Variants in ST6GAL1 observed in about 807,000 individuals in gnomAD.
ST6GAL1 encodes beta-galactoside alpha-2,6-sialyltransferase 1.
ST6GAL1 carries 20 observed loss-of-function variants against 38.0 expected under a neutral mutation model. The ratio of observed to expected loss-of-function variants is 0.53; its 90% CI spans 0.37 to 0.77. ST6GAL1 has a LOEUF of 0.77. ST6GAL1 is among the 30% of genes least tolerant of loss of function. ST6GAL1 has a pLI of 0.00. For synonymous variants in ST6GAL1, 196 were observed against 188.2 expected (o/e 1.04, Z -0.34); for missense variants, 432 against 496.4 (o/e 0.87, Z 1.23).
chr3:186,957,502 A>G (rs1714786445), intron 1 of ST6GAL1, among the ~76,000 whole-genome samples: 1 of 152,184 alleles, frequency 6.6e-6, no homozygotes, highest in Non-Finnish European at 1.5e-5. Flanking sequence ...GCCCAACATC[A>G]GAATAGTAAG....
intron 2 of ST6GAL1, among the ~76,000 whole-genome samples, chr3:187,020,961 G>GTTTTT (rs139348671): frequency 6.8e-6 from 1 of 146,752 alleles, no homozygotes; most frequent in Non-Finnish European, 1.5e-5. Context: ...TGTATTGGTG[G>GTTTTT]TTTTTTTTTT....
intron 1 of ST6GAL1, among the ~76,000 whole-genome samples, chr3:186,944,232 G>A (rs567603072): frequency 1.4e-4 from 22 of 152,302 alleles, no homozygotes; most frequent in Middle Eastern, 3.4e-3. Context: ...TAGTGCCTGC[G>A]AATCCTTTAG....
At chr3:187,042,613 T>C in intron 3 of ST6GAL1, 41 bp from the exon 4 acceptor site, 1 of 1,516,184 alleles carries the variant, frequency 6.6e-7, no homozygotes, top group South Asian at 1.4e-5. Context: ...CATTGGGTTT[T>C]TCTTTACATC....
Position 187,029,683 on chromosome 3 carries a change from A to G in ST6GAL1, c.-182-9059A>G, listed in dbSNP as rs142013126. On this transcript the variant is annotated intron_variant, in intron 2 of 7. Transcript: ENST00000169298. ...GTGAAATCAGTAAGCATTGTTGTAC[A>G]ATTTTCTCTAGCCATGCTCAGTTGC... 6.5e-3 allele frequency among the ~76,000 whole-genome samples: 986 copies of G among 152,290 alleles called. 11 individuals carry two copies. Among genetic ancestry groups the G allele is most frequent in the African/African-American group, 0.023 (941 of 41,548 alleles).
chr3:186,974,724 G>T (rs1360417726), intron 2 of ST6GAL1, among the ~76,000 whole-genome samples: 2 of 92,866 alleles, frequency 2.2e-5, no homozygotes, highest in African/African-American at 8.2e-5. Flanking sequence ...TGAGAGCCTG[G>T]TTGGGGGGGG....
chr3:187,026,923 C>T (rs1286970476), intron 2 of ST6GAL1, among the ~76,000 whole-genome samples: 1 of 151,966 alleles, frequency 6.6e-6, no homozygotes, highest in Non-Finnish European at 1.5e-5. Context: ...GTGGCGGGCA[C>T]CTGTAGTCCC....
rs1442779608 is a variant in ST6GAL1 at position 187,077,238 on chromosome 3, G to A, written c.*1435G>A. 1 of 353,700 alleles carries A rather than the reference G, an allele frequency of 2.8e-6. No individual in the cohort carries two copies. The highest frequency in any genetic ancestry group is 4.2e-5 in the East Asian group (1 of 23,722). The allele number at this position is 353,700 out of a possible 1,614,324, so 21.9% of individuals were successfully genotyped here. Reference sequence around the variant, plus strand: ...TCTGGGCAGAGGCTGGCCCACTGTAGTTTGCAGACATGCTCTCCAGATGGT... The same window carrying A: ...TCTGGGCAGAGGCTGGCCCACTGTAATTTGCAGACATGCTCTCCAGATGGT... On this transcript the variant is annotated 3_prime_UTR_variant, in exon 8 of 8. Transcript: ENST00000169298.
chr3:187,072,831 A>C lies in ST6GAL1; in HGVS notation c.706-18A>C, dbSNP rs375001991. The C allele has an allele frequency of 3.1e-6, 5 of 1,605,276 alleles. No homozygotes were observed. Among genetic ancestry groups the C allele is most frequent in the Non-Finnish European group, 4.3e-6 (5 of 1,172,210 alleles). On this transcript the variant is annotated intron_variant, in intron 5 of 7. Coordinates refer to ENST00000169298, the MANE Select transcript of ST6GAL1 (RefSeq NM_173216.2). ...CATATGAATGTTCAAGCGACAGCTT[A>C]TCTCTTTCTTCCTGCAGTTGGTTAC...
rs557042539 is a variant in ST6GAL1 at position 187,038,108 on chromosome 3, C to T, written c.-182-634C>T. Among the ~76,000 whole-genome samples, 47 of 152,042 alleles carry T rather than the reference C, an allele frequency of 3.1e-4. 1 individual carries two copies. The highest frequency in any genetic ancestry group is 6.0e-4 in the Non-Finnish European group (41 of 67,976). On this transcript the variant is annotated intron_variant, in intron 2 of 7. Coordinates refer to ENST00000169298, the MANE Select transcript of ST6GAL1 (RefSeq NM_173216.2). ...AATTACTCCCTGTTTACCTCCAAGCCAGCAATTAAACAACCTGTTCTTCCC... is the reference window on the plus strand; with the variant it reads ...AATTACTCCCTGTTTACCTCCAAGCTAGCAATTAAACAACCTGTTCTTCCC...
intron 2 of ST6GAL1, among the ~76,000 whole-genome samples, chr3:187,022,335 G>A (rs1454877162): frequency 6.6e-6 from 1 of 152,106 alleles, no homozygotes; most frequent in Non-Finnish European, 1.5e-5. Context: ...TGGCTACAGA[G>A]AGTTTTCCCT....
Position 187,030,854 on chromosome 3 carries a change from C to G in ST6GAL1, c.-182-7888C>G, listed in dbSNP as rs373261695. Among the ~76,000 whole-genome samples the G allele has an allele frequency of 7.2e-5, 11 of 152,274 alleles. No individual in the cohort carries two copies. The East Asian group carries it at 9.7e-4, about 13-fold the overall frequency. On this transcript the variant is annotated intron_variant, in intron 2 of 7. Coordinates refer to ENST00000169298, the MANE Select transcript of ST6GAL1 (RefSeq NM_173216.2). ...GGGCGGTAGTAAATTCCCTGTCATT[C>G]AGTGTATCCAACAGGCAAAATGAAC... is the stretch of plus-strand genomic sequence containing the variant.
chr3:187,044,615 A>G (rs1181546163), intron 4 of ST6GAL1, among the ~76,000 whole-genome samples: 2 of 152,292 alleles, frequency 1.3e-5, no homozygotes, highest in South Asian at 2.1e-4. Flanking sequence ...TTTCTTCTCC[A>G]TTTTTGCTGC....
At position 187,045,858 on chromosome 3, in the gene ST6GAL1, C is replaced by A. The variant is rs75988897; in HGVS notation, c.607+2548C>A. Among the ~76,000 whole-genome samples, 776 of 152,274 alleles carry A rather than the reference C, an allele frequency of 5.1e-3. 9 individuals are homozygous for A. The highest frequency in any genetic ancestry group is 0.039 in the East Asian group (201 of 5,182). ...TTAAGGCAAAGGCAAGAAGCAAAGG[C>A]TGCACGGGGAAAAGTGTGTTTGGGC... On this transcript the variant is annotated intron_variant, in intron 4 of 7. Coordinates refer to ENST00000169298, the MANE Select transcript of ST6GAL1 (RefSeq NM_173216.2).
chr3:186,982,838 T>C lies in ST6GAL1; in HGVS notation c.-183+18912T>C, dbSNP rs916030907. ...CTGGGATTACAGTCGCCCGCCACCA[T>C]GCCCAGCTAATTTTTTTATTTTTAG... On this transcript the variant is annotated intron_variant, in intron 2 of 7. Coordinates refer to ENST00000169298, the MANE Select transcript of ST6GAL1 (RefSeq NM_173216.2). 5.7e-4 allele frequency among the ~76,000 whole-genome samples: 71 copies of C among 123,624 alleles called. 1 individual carries two copies. The highest frequency in any genetic ancestry group is 2.1e-3 in the African/African-American group (69 of 32,200). The allele number at this position is 123,624 out of a possible 152,430, so 81.1% of individuals were successfully genotyped here.
At chr3:187,006,185 G>C (rs1235259739) in intron 2 of ST6GAL1, 1 of 152,182 alleles carries the variant, frequency 6.6e-6, no homozygotes, top group Non-Finnish European at 1.5e-5. Context: ...AGTTCCATTT[G>C]CCTCTTACAG....
chr3:187,043,172 G>A lies in ST6GAL1; in HGVS notation c.469G>A (p.Asp157Asn), dbSNP rs771215054. 6 of 1,614,250 alleles carry A rather than the reference G, an allele frequency of 3.7e-6. No homozygotes were observed. The South Asian group carries it at 6.6e-5, about 18-fold the overall frequency. Residue 157 changes from aspartate (D) to asparagine (N), a missense_variant, in exon 4 of 8, where the codon GAT becomes AAT. By Grantham distance (23) the Asp-to-Asn change is conservative (BLOSUM62 1). Transcript: ENST00000169298. ...HVNVSMVEVT[D>N]FPFNTSEWEG... is the part of the protein sequence containing the mutation. ...GAATGTATCCATGGTAGAGGTCACA[G>A]ATTTTCCCTTCAATACCTCTGAATG...
At chr3:186,985,784 AAAAG>A (rs1335879887) in intron 2 of ST6GAL1, among the ~76,000 whole-genome samples, 1 of 151,144 alleles carries the variant, frequency 6.6e-6, no homozygotes, top group African/African-American at 2.4e-5. Flanking sequence ...CAAAAAAAAA[AAAAG>A]AAAAAAGAAA....
rs987005786 is a variant in ST6GAL1, at chr3:186,952,565, C to T, written c.-324-11220C>T. Reference sequence around the variant, plus strand: ...TCTTACCCAGGCTGGAGTGCAGTGGCGCGATCTCAGCTCACTGCAACCTCC... The same window carrying T: ...TCTTACCCAGGCTGGAGTGCAGTGGTGCGATCTCAGCTCACTGCAACCTCC... On this transcript the variant is annotated intron_variant, in intron 1 of 7. Coordinates refer to ENST00000169298, the MANE Select transcript of ST6GAL1 (RefSeq NM_173216.2). This position sits in a 1 kb window ranked among gnomAD's most constrained non-coding sequence, Gnocchi z 4.1. Among the ~76,000 whole-genome samples the T allele has an allele frequency of 6.6e-6, 1 of 151,828 alleles. No homozygotes were observed. Among genetic ancestry groups the T allele is most frequent in the Non-Finnish European group, 1.5e-5 (1 of 67,972 alleles).
chr3:187,051,490 A>C (rs991079572), intron 5 of ST6GAL1, 144 bp downstream of exon 5: 14 of 687,926 alleles, frequency 2.0e-5, no homozygotes, highest in Middle Eastern at 2.4e-4. Context: ...CTGGAGAAGA[A>C]GACAATGATT....
Sources: gnomAD v4.1 joint callset for allele counts (sites outside exome capture counted in the v4.1 genomes callset) on GRCh38, gnomAD v4.1.1 for gene constraint, Gnocchi (gnomAD v3.1) non-coding constraint, MANE v1.5 for transcripts, NCBI Gene and HGNC (gene_info 2026-07-23, HGNC 2026-07-21) for gene names.